The following EYS variants were observed in gnomAD, a reference collection of about 807,000 sequenced individuals.
EYS encodes EGF-like photoreceptor maintenance factor.
Under a neutral mutation model 282.1 loss-of-function variants are expected in EYS, and 250 were observed. The ratio of observed to expected loss-of-function variants is 0.89; its 90% CI spans 0.80 to 0.98. EYS has a LOEUF of 0.98. Among genes scored for constraint, EYS ranks in the 50% least tolerant of loss-of-function variants. The pLI, the probability that EYS is intolerant of heterozygous loss-of-function variation, is 0.00. For synonymous variants in EYS, 1,355 were observed against 1,282.9 expected, an observed-to-expected ratio of 1.06 and a Z score of -1.20; for missense variants, 4,016 against 3,709.0, an observed-to-expected ratio of 1.08 and a Z score of -2.15.
intron 31 of EYS, among the ~76,000 whole-genome samples, chr6:64,111,173 A>AGTTT (rs1773191083): frequency 2.0e-5 from 3 of 152,086 alleles, no homozygotes; most frequent in Non-Finnish European, 4.4e-5. Flanking sequence ...CTTAATTACA[A>AGTTT]AAAGTAAAAT....
chr6:64,757,199 A>G (rs890481217), intron 22 of EYS, among the ~76,000 whole-genome samples: 24 of 152,114 alleles, frequency 1.6e-4, no homozygotes, highest in East Asian at 1.9e-4. Flanking sequence ...TTTTGTCTGT[A>G]AGAAATGTGC....
At chr6:65,702,287 A>G (rs1769705415) in intron 1 of EYS, among the ~76,000 whole-genome samples, 1 of 152,226 alleles carries the variant, frequency 6.6e-6, no homozygotes, top group Non-Finnish European at 1.5e-5. Flanking sequence ...AATAAGTTGT[A>G]GTTTATGAAC....
At chr6:64,191,421 C>T (rs555638735) in intron 31 of EYS, among the ~76,000 whole-genome samples, 19 of 151,962 alleles carry the variant, frequency 1.3e-4, no homozygotes, top group African/African-American at 4.1e-4. Flanking sequence ...CATGCTGGTG[C>T]GCTGCACCCA....
intron 2 of EYS, among the ~76,000 whole-genome samples, chr6:65,632,730 G>A (rs1766957673): frequency 6.6e-6 from 1 of 152,100 alleles, no homozygotes. Flanking sequence ...CTATAAGAAT[G>A]TAATATATAC....
chr6:63,776,110 C>A (rs1283742213), intron 40 of EYS, among the ~76,000 whole-genome samples: 1 of 152,072 alleles, frequency 6.6e-6, no homozygotes, highest in Non-Finnish European at 1.5e-5. Context: ...AATTTAGGCC[C>A]TCATGTTTGA....
chr6:64,325,879 A>T (rs1257227057), intron 29 of EYS, among the ~76,000 whole-genome samples: 2 of 152,142 alleles, frequency 1.3e-5, no homozygotes, highest in Non-Finnish European at 2.9e-5. Flanking sequence ...ATAAGAAAAC[A>T]TGAAAAGTCT....
chr6:64,338,322 T>C (rs1770940749), intron 29 of EYS, among the ~76,000 whole-genome samples: 1 of 151,726 alleles, frequency 6.6e-6, no homozygotes, highest in African/African-American at 2.4e-5. Flanking sequence ...AGTAGCTCTG[T>C]TGTACACCAA....
At chr6:64,687,118 C>A (rs7752267) in intron 22 of EYS, among the ~76,000 whole-genome samples, 71 of 150,972 alleles carry the variant, frequency 4.7e-4, no homozygotes, top group Admixed American at 2.6e-3. Flanking sequence ...AAACATTTAA[C>A]GTAGAAATAA....
At chr6:65,015,772 C>T (rs959740892) in intron 13 of EYS, among the ~76,000 whole-genome samples, 3 of 147,384 alleles carry the variant, frequency 2.0e-5, no homozygotes, top group Non-Finnish European at 3.0e-5. Flanking sequence ...CAGTGGCTCA[C>T]ATCTGTAATC....
chr6:65,599,704 T>C (rs920361668), intron 2 of EYS, among the ~76,000 whole-genome samples: 1 of 152,106 alleles, frequency 6.6e-6, no homozygotes, highest in African/African-American at 2.4e-5. Context: ...TGTAGATAGA[T>C]ATACAGTGTC....
At chr6:64,953,898 T>C (rs572340716) in intron 14 of EYS, among the ~76,000 whole-genome samples, 23 of 152,040 alleles carry the variant, frequency 1.5e-4, no homozygotes, top group Non-Finnish European at 1.8e-4. Flanking sequence ...AGGAAGATAA[T>C]ATAGAGTATA....
At position 64,525,176 on chromosome 6, in the gene EYS, A is replaced by T. The variant is rs546886119; in HGVS notation, c.5644+65047T>A. 8.6e-5 allele frequency among the ~76,000 whole-genome samples: 13 copies of T among 151,966 alleles called. No homozygotes were observed. In the South Asian group the frequency reaches 2.1e-3, roughly 24 times the overall value. ...GGATCCAGAAATTTCATTGCTGGGT[A>T]TATACCCAAAGGAATCTAAATCATT... is the stretch of plus-strand genomic sequence containing the variant. On this transcript the variant is annotated intron_variant, in intron 26 of 42. Transcript: ENST00000503581.
At chr6:64,331,595 C>A (rs75935260) in intron 29 of EYS, among the ~76,000 whole-genome samples, 19 of 60,416 alleles carry the variant, frequency 3.1e-4, no homozygotes, top group South Asian at 1.7e-3. Flanking sequence ...TTCCAATAGC[C>A]CCCCCGCCCG....
intron 22 of EYS, among the ~76,000 whole-genome samples, chr6:64,747,527 C>T (rs1378859488): frequency 3.3e-5 from 5 of 152,128 alleles, no homozygotes; most frequent in South Asian, 2.1e-4. Flanking sequence ...ATTACAGGCA[C>T]GCATCACCAT....
intron 12 of EYS, among the ~76,000 whole-genome samples, chr6:65,242,965 T>C (rs1446509174): frequency 1.3e-5 from 2 of 152,182 alleles, no homozygotes; most frequent in African/African-American, 2.4e-5. Flanking sequence ...AATGTGTTTA[T>C]TTCTGTATTG....
chr6:65,256,302 G>A (rs1767462069), intron 12 of EYS, among the ~76,000 whole-genome samples: 1 of 120,584 alleles, frequency 8.3e-6, no homozygotes, highest in Non-Finnish European at 1.7e-5. Flanking sequence ...AAGTTTTAGG[G>A]TACATGTGCA....
intron 22 of EYS, among the ~76,000 whole-genome samples, chr6:64,771,151 A>G (rs1017897049): frequency 7.9e-5 from 12 of 151,622 alleles, no homozygotes; most frequent in African/African-American, 2.9e-4. Context: ...TCTATGCTAT[A>G]TATATAATTT....
Position 64,058,745 on chromosome 6 carries a change from C to T in EYS, c.6725+7593G>A, listed in dbSNP as rs139849956. 4.0e-3 allele frequency among the ~76,000 whole-genome samples: 612 copies of T among 152,242 alleles called. 3 individuals are homozygous for T. Among genetic ancestry groups the T allele is most frequent in the African/African-American group, 0.014 (576 of 41,544 alleles). ...TTTCACCTTACTTTCTTATAACTGTCAAAATCTTGTCTTGAAAGTGGTAAA... is the reference window on the plus strand; with the variant it reads ...TTTCACCTTACTTTCTTATAACTGTTAAAATCTTGTCTTGAAAGTGGTAAA... On this transcript the variant is annotated intron_variant, in intron 33 of 42. Transcript: ENST00000503581.
chr6:65,295,054 G>A (rs1293629741), intron 12 of EYS, among the ~76,000 whole-genome samples: 1 of 151,752 alleles, frequency 6.6e-6, no homozygotes, highest in Non-Finnish European at 1.5e-5. Flanking sequence ...TAAATACCAA[G>A]CAGGGAAAAT....
Sources: gnomAD v4.1 joint callset for allele counts (sites outside exome capture counted in the v4.1 genomes callset) on GRCh38, gnomAD v4.1.1 for gene constraint, MANE v1.5 for transcripts, NCBI Gene and HGNC (gene_info 2026-07-23, HGNC 2026-07-21) for gene names.